The following CRTC3 variants were observed in gnomAD, a reference collection of about 807,000 sequenced individuals.
CRTC3 encodes the protein CREB regulated transcription coactivator 3.
In CRTC3, 26 loss-of-function variants were observed where a neutral mutation model predicts 74.5. The observed-to-expected ratio is 0.35, with a 90% CI of 0.26 to 0.48. CRTC3 has a LOEUF of 0.48. Ranked by LOEUF, CRTC3 falls within the 20% of genes least tolerant of loss-of-function variation. CRTC3 has a pLI of 0.99. For missense variants in CRTC3, 760 were observed against 787.3 expected, an observed-to-expected ratio of 0.97 and a Z score of 0.41; for synonymous variants, 377 against 325.8, an observed-to-expected ratio of 1.16 and a Z score of -1.69.
rs117959819 is a variant in CRTC3, at chr15:90,579,037, A to G, written c.232-14599A>G. On this transcript the variant is annotated intron_variant, in intron 2 of 14. Coordinates refer to ENST00000268184, the MANE Select transcript of CRTC3 (RefSeq NM_022769.5). ...CTGAGGGTTGGTTTTGCATATGTAG[A>G]TTCAACCAATTACAGATCAAAAATA... Among the ~76,000 whole-genome samples the G allele has an allele frequency of 7.9e-4, 121 of 152,240 alleles. 2 individuals are homozygous for G. In the East Asian group the frequency reaches 0.02, roughly 26 times the overall value.
chr15:90,551,390 A>AGTCATTT (rs1324190498), intron 2 of CRTC3, among the ~76,000 whole-genome samples: 3 of 151,956 alleles, frequency 2.0e-5, no homozygotes, highest in Non-Finnish European at 4.4e-5. Flanking sequence ...GTTAGTCACT[A>AGTCATTT]GTCATTTGTG....
intron 2 of CRTC3, among the ~76,000 whole-genome samples, chr15:90,549,806 G>A (rs1966851346): frequency 6.7e-6 from 1 of 149,662 alleles, no homozygotes; most frequent in Non-Finnish European, 1.5e-5. Flanking sequence ...AGGTTCAAGC[G>A]ATTCTGCTGC....
intron 2 of CRTC3, among the ~76,000 whole-genome samples, chr15:90,541,527 A>C (rs748028771): frequency 6.6e-6 from 1 of 152,128 alleles, no homozygotes. Flanking sequence ...TGTATTAGAG[A>C]TCTACCTTCA....
At chr15:90,631,195 C>T (rs544056293) in intron 11 of CRTC3, among the ~76,000 whole-genome samples, 2 of 152,314 alleles carry the variant, frequency 1.3e-5, no homozygotes, top group South Asian at 4.1e-4. Context: ...TTACCAATTA[C>T]TAGCCGTGGC....
chr15:90,561,073 T>C (rs1967001429), intron 2 of CRTC3, among the ~76,000 whole-genome samples: 1 of 152,206 alleles, frequency 6.6e-6, no homozygotes, highest in Non-Finnish European at 1.5e-5. Flanking sequence ...GTAGACAAGA[T>C]CGTTAGTCTC....
Position 90,629,297 on chromosome 15 carries a change from C to A in CRTC3, c.1031C>A (p.Ser344Tyr), listed in dbSNP as rs1968950408. Residue 344 changes from serine to tyrosine, a missense_variant, in exon 11 of 15, where the codon TCT (serine) becomes TAT (tyrosine). Coordinates refer to ENST00000268184, the MANE Select transcript of CRTC3 (RefSeq NM_022769.5). Reference sequence around the variant, plus strand: ...ACGCTCAATAAGACTGTGCTTTCCTCTTCCTTAAATAACCACCCACAGACA... The same window carrying A: ...ACGCTCAATAAGACTGTGCTTTCCTATTCCTTAAATAACCACCCACAGACA... ...QATLNKTVLS[S>Y]SLNNHPQTSV... 1.2e-6 allele frequency: 2 copies of A among 1,614,090 alleles called. No homozygotes were observed. Among genetic ancestry groups the A allele is most frequent in the African/African-American group, 2.7e-5 (2 of 74,936 alleles).
At chr15:90,534,188 ATACT>A (rs1966680198) in intron 1 of CRTC3, among the ~76,000 whole-genome samples, 1 of 152,132 alleles carries the variant, frequency 6.6e-6, no homozygotes, top group African/African-American at 2.4e-5. Flanking sequence ...GAGCAGATTG[ATACT>A]TAGGAGGTGG....
chr15:90,614,412 C>T, intron 6 of CRTC3, 41 bp from the exon 7 acceptor site: 1 of 1,456,308 alleles, frequency 6.9e-7, no homozygotes. Flanking sequence ...GAAAGTACCA[C>T]ATAAAAGTGT....
At chr15:90,602,653 A>AAACAAC (rs145435527) in intron 4 of CRTC3, among the ~76,000 whole-genome samples, 5 of 150,260 alleles carry the variant, frequency 3.3e-5, no homozygotes, top group East Asian at 3.9e-4. Context: ...CAAACAAACA[A>AAACAAC]AACAACAACA....
chr15:90,633,434 A>AT (rs1969115914), intron 11 of CRTC3, among the ~76,000 whole-genome samples: 1 of 152,166 alleles, frequency 6.6e-6, no homozygotes, highest in Non-Finnish European at 1.5e-5. Flanking sequence ...ATTTGAAATA[A>AT]TTTTCCCTTG....
intron 2 of CRTC3, among the ~76,000 whole-genome samples, chr15:90,574,273 T>A (rs1358492364): frequency 6.6e-6 from 1 of 152,016 alleles, no homozygotes; most frequent in African/African-American, 2.4e-5. Flanking sequence ...GGTCAAGAGA[T>A]CGAGAGCATC....
intron 9 of CRTC3, among the ~76,000 whole-genome samples, chr15:90,620,951 G>C (rs1291490871): frequency 6.6e-6 from 1 of 152,092 alleles, no homozygotes; most frequent in African/African-American, 2.4e-5. Flanking sequence ...ATTCTTTCTG[G>C]CAGGTTAAAC....
At chr15:90,626,965 G>C (rs1208003051) in intron 10 of CRTC3, among the ~76,000 whole-genome samples, 2 of 152,202 alleles carry the variant, frequency 1.3e-5, no homozygotes, top group East Asian at 3.8e-4. Context: ...CAGTGGTGCA[G>C]TACAGCCCCT....
chr15:90,571,508 G>A lies in CRTC3; in HGVS notation c.232-22128G>A, dbSNP rs79805460. On this transcript the variant is annotated intron_variant, in intron 2 of 14. Transcript: ENST00000268184. ...GTGAGAGATGAGGCTGGAGCTTGAA[G>A]TAGGAACCAGATCACAAAGGACTTT... Among the ~76,000 whole-genome samples the A allele has an allele frequency of 7.8e-3, 1,195 of 152,256 alleles. 44 individuals carry two copies. In the East Asian group the frequency reaches 0.12, roughly 15 times the overall value.
intron 1 of CRTC3, among the ~76,000 whole-genome samples, chr15:90,535,488 T>A (rs1380066815): frequency 6.6e-6 from 1 of 152,116 alleles, no homozygotes; most frequent in Middle Eastern, 3.4e-3. Flanking sequence ...TTGTGAGACG[T>A]TGAGGAGTGG....
At chr15:90,640,568 G>C (rs1596155272) in intron 13 of CRTC3, among the ~76,000 whole-genome samples, 1 of 152,098 alleles carries the variant, frequency 6.6e-6, no homozygotes, top group African/African-American at 2.4e-5. Flanking sequence ...TGTGGTCCCA[G>C]CTATTTGGGA....
Position 90,545,788 on chromosome 15 carries a change from C to G in CRTC3, c.231+5651C>G, listed in dbSNP as rs539511354. Among the ~76,000 whole-genome samples the G allele has an allele frequency of 6.8e-4, 104 of 152,200 alleles. 1 individual carries two copies. The highest frequency in any genetic ancestry group is 1.0e-3 in the Non-Finnish European group (68 of 68,006). ...AGAGACGGGGTTTCACTGTGTTAGC[C>G]AGGATGGTCTCCATCTCCTGACTTT... is the stretch of plus-strand genomic sequence containing the variant. On this transcript the variant is annotated intron_variant, in intron 2 of 14. Transcript: ENST00000268184.
At chr15:90,618,998 C>T (rs975902166) in intron 8 of CRTC3, among the ~76,000 whole-genome samples, 2 of 152,176 alleles carry the variant, frequency 1.3e-5, no homozygotes, top group Non-Finnish European at 2.9e-5. Flanking sequence ...GTTCATCTCC[C>T]TTGGTTCTTG....
chr15:90,555,960 A>G (rs1356151703), intron 2 of CRTC3, among the ~76,000 whole-genome samples: 3 of 152,194 alleles, frequency 2.0e-5, no homozygotes, highest in Non-Finnish European at 1.5e-5. Flanking sequence ...AAATATGTAA[A>G]CATTAAAAAG....
Sources: allele counts gnomAD v4.1 joint callset (sites outside exome capture counted in the v4.1 genomes callset), GRCh38; gene constraint gnomAD v4.1.1; transcripts MANE v1.5; gene names NCBI Gene and HGNC (gene_info 2026-07-23, HGNC 2026-07-21).